GSR: variants seen among roughly 807,000 people sequenced by gnomAD.
GSR encodes glutathione-disulfide reductase, also known as glutathione reductase, mitochondrial.
A neutral mutation model predicts 56.5 loss-of-function variants in GSR; 48 were observed. The observed-to-expected ratio is 0.85, with a 90% CI of 0.67 to 1.08. The LOEUF (loss-of-function observed/expected upper bound fraction) is 1.08. Among genes scored for constraint, GSR ranks in the 50% least tolerant of loss-of-function variants. The pLI, the probability that GSR is intolerant of heterozygous loss-of-function variation, is 0.00. For missense variants in GSR, 694 were observed against 703.3 expected (o/e 0.99, Z 0.15); for synonymous variants, 264 against 270.8 (o/e 0.97, Z 0.25).
intron 5 of GSR, among the ~76,000 whole-genome samples, chr8:30,701,640 A>AC (rs1197521702): frequency 6.6e-6 from 1 of 150,928 alleles, no homozygotes; most frequent in Non-Finnish European, 1.5e-5. Flanking sequence ...AAATACAAAA[A>AC]AAATTAGCTG....
chr8:30,694,525 G>T (rs368945514), intron 7 of GSR, among the ~76,000 whole-genome samples: 9 of 152,228 alleles, frequency 5.9e-5, no homozygotes, highest in African/African-American at 2.2e-4. Flanking sequence ...TGTTGCCCAG[G>T]TTGGTCTTGA....
Position 30,679,620 on chromosome 8 carries a change from C to T in GSR, c.1469G>A (p.Gly490Asp). Residue 490 changes from glycine (G) to aspartate (D), a missense_variant, in exon 13 of 13, where the codon GGT (glycine) becomes GAT (aspartate). Coordinates refer to ENST00000221130, the MANE Select transcript of GSR (RefSeq NM_000637.5). ...QGLGCDEMLQ[G>D]FAVAVKMGAT... ...TCCCATCTTCACTGCAACAGCAAAA[C>T]CCTGCAGCATTTCATCACACCCAAG... 1 of 1,613,850 alleles carries T rather than the reference C, an allele frequency of 6.2e-7. No homozygotes were observed. The highest frequency in any genetic ancestry group is 8.5e-7 in the Non-Finnish European group (1 of 1,179,836).
intron 2 of GSR, among the ~76,000 whole-genome samples, chr8:30,710,851 A>C (rs571228511): frequency 6.6e-6 from 1 of 152,020 alleles, no homozygotes; most frequent in African/African-American, 2.4e-5. Flanking sequence ...TTACAAAATC[A>C]GTTTACTGTG....
At chr8:30,710,404 T>A (rs1323118084) in intron 2 of GSR, among the ~76,000 whole-genome samples, 1 of 150,310 alleles carries the variant, frequency 6.7e-6, no homozygotes, top group Non-Finnish European at 1.5e-5. Flanking sequence ...GGGAAAGCTA[T>A]TAAAAACAGA....
intron 3 of GSR, among the ~76,000 whole-genome samples, chr8:30,709,199 A>C (rs1775091573): frequency 6.6e-6 from 1 of 151,520 alleles, no homozygotes; most frequent in Admixed American, 6.6e-5. Context: ...CTCTACTAAA[A>C]ACAAAAATTA....
intron 7 of GSR, among the ~76,000 whole-genome samples, chr8:30,693,553 G>A (rs1803457161): frequency 6.6e-6 from 1 of 151,172 alleles, no homozygotes; most frequent in African/African-American, 2.4e-5. Context: ...TTTTGAGAGG[G>A]AGTCTTGCTC....
intron 9 of GSR, among the ~76,000 whole-genome samples, chr8:30,688,288 T>C (rs566150534): frequency 6.6e-6 from 1 of 152,192 alleles, no homozygotes; most frequent in African/African-American, 2.4e-5. Flanking sequence ...AGGTTAGAGG[T>C]GGCAGGCCGG....
At chr8:30,693,836 A>G (rs1474419975) in intron 7 of GSR, among the ~76,000 whole-genome samples, 3 of 152,090 alleles carry the variant, frequency 2.0e-5, no homozygotes, top group African/African-American at 4.8e-5. Flanking sequence ...CCCACAGAGT[A>G]GCTCTAAAAT....
intron 6 of GSR, among the ~76,000 whole-genome samples, chr8:30,697,744 A>G (rs1803598691): frequency 6.6e-6 from 1 of 152,140 alleles, no homozygotes; most frequent in South Asian, 2.1e-4. Context: ...TGCAGAGACA[A>G]TATCTCCCTA....
chr8:30,707,338 G>A (rs1291656860), intron 4 of GSR, among the ~76,000 whole-genome samples: 1 of 152,138 alleles, frequency 6.6e-6, no homozygotes, highest in East Asian at 1.9e-4. Flanking sequence ...GAAGAGACTG[G>A]CCATCTAGGT....
In GSR at chr8:30,727,542, C is replaced by CAGCT. The variant is rs769755324; in HGVS notation, c.290_293dup (p.Gly99AlafsTer24). 2 of 1,537,224 alleles carry CAGCT rather than the reference C, an allele frequency of 1.3e-6. No homozygotes were observed. Among genetic ancestry groups the CAGCT allele is most frequent in the South Asian group, 2.4e-5 (2 of 83,538 alleles). On this transcript the variant is annotated frameshift_variant, in exon 1 of 13. Coordinates refer to ENST00000221130, the MANE Select transcript of GSR (RefSeq NM_000637.5). LOFTEE classifies it high-confidence loss of function. Reference sequence around the variant, plus strand: ...CGGCGGTACTCACGCAAGTGCCACCCAGCTTGTGGCTCTCCACCACGGCGG... The same window carrying CAGCT: ...CGGCGGTACTCACGCAAGTGCCACCCAGCTAGCTTGTGGCTCTCCACCACGGCGG...
chr8:30,709,816 C>T lies in GSR; in HGVS notation c.420G>A (p.Trp140Ter). ...ACCCTCTGAGTGTTGACACTTACCG[C>T]CAATTGAATTTACCCTCACAACTTG... ...GFPSCEGKFN[W>*]RVIKEKRDAY... The change falls in exon 3 of 13, where the codon TGG becomes TGA. Residue 140 changes from tryptophan to a stop codon, truncating the protein, a stop_gained and splice_region_variant. Transcript: ENST00000221130. LOFTEE classifies it high-confidence loss of function. The T allele has an allele frequency of 3.3e-6, 5 of 1,532,968 alleles. No individual in the cohort carries two copies. Among genetic ancestry groups the T allele is most frequent in the Non-Finnish European group, 4.5e-6 (5 of 1,106,536 alleles). The allele number at this position is 1,532,968 out of a possible 1,614,324, so 95.0% of individuals were successfully genotyped here.
In GSR at chr8:30,697,238, C is replaced by G. The variant is rs8190994; in HGVS notation, c.696-759G>C. Among the ~76,000 whole-genome samples, 136 of 151,968 alleles carry G rather than the reference C, an allele frequency of 8.9e-4. 1 individual carries two copies. In the South Asian group the frequency reaches 0.011, roughly 12 times the overall value. On this transcript the variant is annotated intron_variant, in intron 6 of 12. Coordinates refer to ENST00000221130, the MANE Select transcript of GSR (RefSeq NM_000637.5). ...AGACCAATCTGGCCAACATGGTGAACCCCGTCTCTACTAAAAATACAAAAA... is the reference window on the plus strand; with the variant it reads ...AGACCAATCTGGCCAACATGGTGAAGCCCGTCTCTACTAAAAATACAAAAA...
rs1422757477 is a variant in GSR at position 30,693,113 on chromosome 8, A to G, written c.796-58T>C. 4 of 1,047,458 alleles carry G rather than the reference A, an allele frequency of 3.8e-6. No individual in the cohort carries two copies. In the African/African-American group the frequency reaches 6.2e-5, roughly 16 times the overall value. 64.9% of individuals were successfully genotyped at this position (1,047,458 alleles called of 1,614,324 possible). A position where few individuals can be genotyped will look rare whatever the true frequency, so the allele number is the denominator to read the frequency against. ...AGGAAGAAAACTTGAGCAAAGACACACCACAAACTTGGGAGGGAAACTTCA... is the reference window on the plus strand; with the variant it reads ...AGGAAGAAAACTTGAGCAAAGACACGCCACAAACTTGGGAGGGAAACTTCA... On this transcript the variant is annotated intron_variant, in intron 7 of 12. Transcript: ENST00000221130.
chr8:30,693,748 C>T (rs756225651), intron 7 of GSR, among the ~76,000 whole-genome samples: 2 of 152,138 alleles, frequency 1.3e-5, no homozygotes, highest in Non-Finnish European at 1.5e-5. Flanking sequence ...AGGCTGGCCT[C>T]GAACTCCTGA....
At chr8:30,700,722 C>CAAAAAAAAAAAAAAAAA (rs1563535549) in intron 5 of GSR, among the ~76,000 whole-genome samples, 5 of 8,440 alleles carry the variant, frequency 5.9e-4, no homozygotes, top group African/African-American at 8.6e-4. Flanking sequence ...GATTTTGTCT[C>CAAAAAAAAAAAAAAAAA]CAAAAAAAAA....
At chr8:30,694,763 G>C (rs1803491291) in intron 7 of GSR, among the ~76,000 whole-genome samples, 1 of 151,924 alleles carries the variant, frequency 6.6e-6, no homozygotes, top group Admixed American at 6.6e-5. Flanking sequence ...ACTGGGTGTG[G>C]TGGCATGTTC....
At chr8:30,711,572 C>T (rs1804144170) in intron 2 of GSR, among the ~76,000 whole-genome samples, 1 of 152,186 alleles carries the variant, frequency 6.6e-6, no homozygotes, top group South Asian at 2.1e-4. Context: ...TGGCTCATGC[C>T]TATAATCCCA....
In GSR at chr8:30,711,117, A is replaced by G. The variant is rs188178988; in HGVS notation, c.333+945T>C. On this transcript the variant is annotated intron_variant, in intron 2 of 12. Coordinates refer to ENST00000221130, the MANE Select transcript of GSR (RefSeq NM_000637.5). ...GAAAGAAAAACACCTTACCTATACC[A>G]CGGAAAAGACTTCAAAAAGACTTTT... 1.1e-4 allele frequency among the ~76,000 whole-genome samples: 17 copies of G among 152,306 alleles called. No homozygotes were observed. The East Asian group carries it at 3.1e-3, about 28-fold the overall frequency.
Sources: gnomAD v4.1 joint callset for allele counts (sites outside exome capture counted in the v4.1 genomes callset) on GRCh38, gnomAD v4.1.1 for gene constraint, MANE v1.5 for transcripts, NCBI Gene and HGNC (gene_info 2026-07-23, HGNC 2026-07-21) for gene names.